PDIA5: variants seen among roughly 807,000 people sequenced by gnomAD.
The protein encoded by PDIA5 is protein disulfide isomerase family A member 5, also known as protein disulfide-isomerase A5.
Under a neutral mutation model 77.6 loss-of-function variants are expected in PDIA5, and 58 were observed. That is an observed-to-expected ratio of 0.75 (90% CI 0.61 to 0.93). The LOEUF (loss-of-function observed/expected upper bound fraction) is 0.93. PDIA5 is among the 40% of genes least tolerant of loss of function. The pLI, the probability that PDIA5 is intolerant of heterozygous loss-of-function variation, is 0.00. For missense variants in PDIA5, 630 were observed against 647.7 expected (o/e 0.97, Z 0.30); for synonymous variants, 250 against 252.1 (o/e 0.99, Z 0.08).
At chr3:123,081,845 G>A (rs890324831) in intron 1 of PDIA5, among the ~76,000 whole-genome samples, 5 of 152,236 alleles carry the variant, frequency 3.3e-5, no homozygotes, top group Non-Finnish European at 7.3e-5. Context: ...GAGGTGTAAT[G>A]TGGCAAGGAC....
chr3:123,125,128 G>A (rs1935212573), intron 10 of PDIA5, among the ~76,000 whole-genome samples: 1 of 152,142 alleles, frequency 6.6e-6, no homozygotes, highest in Non-Finnish European at 1.5e-5. Context: ...CCTTCTGGAA[G>A]CCTCCCCAGG....
chr3:123,099,747 G>A (rs1035590466), intron 3 of PDIA5, among the ~76,000 whole-genome samples: 7 of 152,236 alleles, frequency 4.6e-5, no homozygotes, highest in African/African-American at 9.6e-5. Context: ...GACTGCTGTC[G>A]TGGGACTTTT....
At chr3:123,127,068 G>A (rs976771731) in intron 10 of PDIA5, among the ~76,000 whole-genome samples, 1 of 152,174 alleles carries the variant, frequency 6.6e-6, no homozygotes, top group Non-Finnish European at 1.5e-5. Context: ...GGCCTGTGTA[G>A]CTTTATGCCA....
chr3:123,127,481 G>C (rs1935268144), intron 10 of PDIA5, among the ~76,000 whole-genome samples: 1 of 152,182 alleles, frequency 6.6e-6, no homozygotes, highest in Non-Finnish European at 1.5e-5. Flanking sequence ...GCCTATATGA[G>C]CCTGAGAGCT....
chr3:123,113,487 A>T (rs1934916433), intron 7 of PDIA5, among the ~76,000 whole-genome samples: 1 of 152,170 alleles, frequency 6.6e-6, no homozygotes, highest in East Asian at 1.9e-4. Context: ...TATTGGTGGT[A>T]GGGGAGGGAG....
chr3:123,119,406 G>A (rs1406376253), intron 8 of PDIA5, among the ~76,000 whole-genome samples: 2 of 152,202 alleles, frequency 1.3e-5, no homozygotes, highest in Non-Finnish European at 2.9e-5. Context: ...GGCTGCCTTG[G>A]CCTAAGACAT....
At chr3:123,133,440 G>A (rs1935417107) in intron 11 of PDIA5, among the ~76,000 whole-genome samples, 2 of 152,342 alleles carry the variant, frequency 1.3e-5, no homozygotes, top group South Asian at 2.1e-4. Flanking sequence ...ACTCCAGATC[G>A]CTGAATGCGC....
intron 3 of PDIA5, among the ~76,000 whole-genome samples, chr3:123,101,190 A>G (rs1000359369): frequency 6.6e-6 from 1 of 152,204 alleles, no homozygotes; most frequent in Non-Finnish European, 1.5e-5. Context: ...GTCTAATGCA[A>G]TGAGTGGTTT....
chr3:123,073,610 G>A (rs550431764), intron 1 of PDIA5, among the ~76,000 whole-genome samples: 6 of 152,168 alleles, frequency 3.9e-5, no homozygotes, highest in Admixed American at 1.3e-4. Flanking sequence ...TCTTACATTG[G>A]GGGGTTGAAG....
At position 123,161,920 on chromosome 3, in the gene PDIA5, G is replaced by A. The variant is rs1206538455; in HGVS notation, c.1520G>A (p.Gly507Glu). The change falls in exon 17 of 17, where the codon GGA (glycine) becomes GAA (glutamate). Residue 507 changes from glycine to glutamate, a missense_variant. Transcript: ENST00000316218. ...FTNYIRALRE[G>E]DHERLGKKKE... ...AATTATATTCGAGCCCTCCGGGAGG[G>A]AGACCATGAAAGACTAGGGAAAAAG... 1.2e-6 allele frequency: 2 copies of A among 1,607,276 alleles called. No homozygotes were observed. The highest frequency in any genetic ancestry group is 3.3e-5 in the Admixed American group (2 of 59,928).
chr3:123,113,606 A>AT (rs1353602412), intron 7 of PDIA5, among the ~76,000 whole-genome samples: 1 of 152,146 alleles, frequency 6.6e-6, no homozygotes, highest in Non-Finnish European at 1.5e-5. Flanking sequence ...CGTGTGTATG[A>AT]TTTTTTACAA....
chr3:123,136,054 C>T (rs1294837993), intron 11 of PDIA5, among the ~76,000 whole-genome samples: 1 of 151,830 alleles, frequency 6.6e-6, no homozygotes, highest in South Asian at 2.1e-4. Context: ...CTTCAGCCTC[C>T]TGAGTAGCTG....
chr3:123,115,659 G>A (rs1357146902), intron 7 of PDIA5, among the ~76,000 whole-genome samples: 1 of 152,200 alleles, frequency 6.6e-6, no homozygotes, highest in Non-Finnish European at 1.5e-5. Context: ...CTGGCCTGAC[G>A]CTCTTCCCAC....
intron 5 of PDIA5, among the ~76,000 whole-genome samples, chr3:123,105,331 T>A (rs534267624): frequency 6.6e-5 from 10 of 152,280 alleles, no homozygotes; most frequent in Admixed American, 2.6e-4. Flanking sequence ...CCCAGGCAGG[T>A]GGGTGCCTAC....
intron 3 of PDIA5, among the ~76,000 whole-genome samples, chr3:123,096,026 A>C (rs148770218): frequency 6.6e-6 from 1 of 152,130 alleles, no homozygotes; most frequent in Non-Finnish European, 1.5e-5. Flanking sequence ...TGTGCCTTCT[A>C]GTCTTTCAGG....
chr3:123,067,711 A>T (rs1933612743), intron 1 of PDIA5: 1 of 153,402 alleles, frequency 6.5e-6, no homozygotes, highest in African/African-American at 2.4e-5. Context: ...CCCACAGGCC[A>T]GGCTCGGTGG....
chr3:123,090,950 T>C (rs1324065879), intron 2 of PDIA5, among the ~76,000 whole-genome samples: 1 of 152,220 alleles, frequency 6.6e-6, no homozygotes, highest in Non-Finnish European at 1.5e-5. Context: ...AGTGGGGCTT[T>C]TGAACAGTGC....
At chr3:123,136,150 G>A (rs1268359439) in intron 11 of PDIA5, among the ~76,000 whole-genome samples, 1 of 151,978 alleles carries the variant, frequency 6.6e-6, no homozygotes, top group Non-Finnish European at 1.5e-5. Flanking sequence ...GCTCAGGCTG[G>A]TCTTGAACTC....
chr3:123,102,627 C>A, intron 4 of PDIA5, 124 bp from the exon 5 acceptor site: 1 of 901,466 alleles, frequency 1.1e-6, no homozygotes, highest in Non-Finnish European at 1.7e-6. Context: ...ACAATTATTT[C>A]TTTTAAAAAA....
Sources: allele counts gnomAD v4.1 joint callset (sites outside exome capture counted in the v4.1 genomes callset), GRCh38; gene constraint gnomAD v4.1.1; transcripts MANE v1.5; gene names NCBI Gene and HGNC (gene_info 2026-07-23, HGNC 2026-07-21).